PIK3CB: variants seen among roughly 807,000 people sequenced by gnomAD.
PIK3CB encodes phosphatidylinositol-4,5-bisphosphate 3-kinase catalytic subunit beta.
Under a neutral mutation model 136.8 loss-of-function variants are expected in PIK3CB, and 39 were observed. That is an observed-to-expected ratio of 0.29 (90% CI 0.22 to 0.37). PIK3CB has a LOEUF of 0.37. Ranked by LOEUF, PIK3CB falls within the 10% of genes least tolerant of loss-of-function variation. The pLI, the probability that PIK3CB is intolerant of heterozygous loss-of-function variation, is 1.00. For synonymous variants in PIK3CB, 428 were observed against 436.6 expected (o/e 0.98, Z 0.25); for missense variants, 868 against 1,275.4 (o/e 0.68, Z 4.87).
intron 16 of PIK3CB, among the ~76,000 whole-genome samples, chr3:138,685,796 C>T (rs1365821679): frequency 6.6e-6 from 1 of 151,790 alleles, no homozygotes; most frequent in Non-Finnish European, 1.5e-5. Flanking sequence ...GCAAGTAGTA[C>T]AAGGTGTATC....
intron 1 of PIK3CB, among the ~76,000 whole-genome samples, chr3:138,806,193 C>CT (rs1197564243): frequency 1.3e-5 from 2 of 152,154 alleles, no homozygotes; most frequent in African/African-American, 4.8e-5. Flanking sequence ...TTCTCAGACT[C>CT]TAAGAGAAAT....
chr3:138,802,575 C>T (rs943629123), intron 1 of PIK3CB, among the ~76,000 whole-genome samples: 1 of 151,626 alleles, frequency 6.6e-6, no homozygotes, highest in African/African-American at 2.4e-5. Flanking sequence ...GAAAAAAGGG[C>T]AAATAGTATT....
At chr3:138,695,166 A>C (rs2044108966) in intron 13 of PIK3CB, among the ~76,000 whole-genome samples, 1 of 152,184 alleles carries the variant, frequency 6.6e-6, no homozygotes, top group South Asian at 2.1e-4. Context: ...AAAAATGTTG[A>C]ATTTGTAGCC....
At chr3:138,703,957 C>T (rs895707118) in intron 12 of PIK3CB, among the ~76,000 whole-genome samples, 1 of 152,100 alleles carries the variant, frequency 6.6e-6, no homozygotes, top group African/African-American at 2.4e-5. Flanking sequence ...TATTGTTTTT[C>T]CTGTTCCTGC....
chr3:138,691,253 G>C (rs561192036), intron 14 of PIK3CB, 110 bp from the exon 15 acceptor site: 1 of 975,734 alleles, frequency 1.0e-6, no homozygotes, highest in South Asian at 1.7e-5. Flanking sequence ...GGTTCTTTTG[G>C]GCCAGGCTTG....
At chr3:138,752,579 C>T (rs946062192) in intron 4 of PIK3CB, among the ~76,000 whole-genome samples, 1 of 152,026 alleles carries the variant, frequency 6.6e-6, no homozygotes, top group South Asian at 2.1e-4. Context: ...CGTGGTGGTG[C>T]ATGCCTGTAG....
chr3:138,723,346 T>TTCAG (rs1250649583), intron 8 of PIK3CB, among the ~76,000 whole-genome samples: 3 of 151,892 alleles, frequency 2.0e-5, no homozygotes, highest in Admixed American at 2.0e-4. Context: ...AGCTCAGGAG[T>TTCAG]TCGAGACCAG....
intron 2 of PIK3CB, among the ~76,000 whole-genome samples, chr3:138,765,289 C>T (rs2045718692): frequency 6.6e-6 from 1 of 152,076 alleles, no homozygotes; most frequent in Admixed American, 6.6e-5. Flanking sequence ...TGCACTCCGG[C>T]CTGGATGACA....
At chr3:138,771,327 A>G (rs944456678) in intron 2 of PIK3CB, among the ~76,000 whole-genome samples, 1 of 145,530 alleles carries the variant, frequency 6.9e-6, no homozygotes, top group African/African-American at 2.6e-5. Flanking sequence ...GGATCATGCC[A>G]TTCTCCTGCC....
chr3:138,751,184 C>T (rs556885737), intron 4 of PIK3CB, among the ~76,000 whole-genome samples: 91 of 152,212 alleles, frequency 6.0e-4, no homozygotes, highest in African/African-American at 1.4e-3. Context: ...TTAGGCCGGG[C>T]GCAGTAGCTC....
chr3:138,802,445 C>T (rs552254492), intron 1 of PIK3CB, among the ~76,000 whole-genome samples: 8 of 147,934 alleles, frequency 5.4e-5, no homozygotes, highest in African/African-American at 1.5e-4. Flanking sequence ...GAAAGAGTGG[C>T]GGAGGAAAGG....
At chr3:138,828,481 A>G (rs1933887125) in intron 1 of PIK3CB, among the ~76,000 whole-genome samples, 1 of 152,094 alleles carries the variant, frequency 6.6e-6, no homozygotes, top group Non-Finnish European at 1.5e-5. Context: ...CACAGCGCCC[A>G]GCCCCATTAG....
intron 10 of PIK3CB, among the ~76,000 whole-genome samples, chr3:138,711,064 A>G (rs2044486656): frequency 6.6e-6 from 1 of 151,750 alleles, no homozygotes; most frequent in Admixed American, 6.6e-5. Context: ...AGCCGAGGTG[A>G]CAGAGCGAGA....
intron 1 of PIK3CB, among the ~76,000 whole-genome samples, chr3:138,810,258 T>C (rs895379499): frequency 2.0e-5 from 3 of 152,170 alleles, no homozygotes; most frequent in African/African-American, 4.8e-5. Context: ...ATACTTTGTG[T>C]AGATACACCC....
chr3:138,785,302 C>T (rs897022881), intron 2 of PIK3CB, among the ~76,000 whole-genome samples: 4 of 152,096 alleles, frequency 2.6e-5, no homozygotes, highest in African/African-American at 4.8e-5. Context: ...GCCAGGCCGC[C>T]GCCCTGTCTG....
At chr3:138,790,606 C>T (rs2046036795) in intron 2 of PIK3CB, among the ~76,000 whole-genome samples, 1 of 148,262 alleles carries the variant, frequency 6.7e-6, no homozygotes, top group Admixed American at 6.7e-5. Context: ...AGATTGAGAC[C>T]ATCCTGGCTA....
chr3:138,804,649 A>T (rs1283858329), intron 1 of PIK3CB, among the ~76,000 whole-genome samples: 4 of 152,192 alleles, frequency 2.6e-5, no homozygotes, highest in Non-Finnish European at 1.5e-5. Context: ...TGTAAATCTG[A>T]ATCACTAAAT....
Position 138,737,893 on chromosome 3 carries a change from G to A in PIK3CB, c.622-7C>T, listed in dbSNP as rs375356845. 1.2e-4 allele frequency: 185 copies of A among 1,560,750 alleles called. 5 individuals carry two copies. In the South Asian group the frequency reaches 2.0e-3, roughly 17 times the overall value. On this transcript the variant is annotated splice_polypyrimidine_tract_variant and splice_region_variant and intron_variant, in intron 5 of 23. Coordinates refer to ENST00000674063, the MANE Select transcript of PIK3CB (RefSeq NM_006219.3). ...CTTGAAAGCTAAACACGTCCTGAAGGGGGAGGGAGATGGGGAAAAAAGCAG... is the reference window on the plus strand; with the variant it reads ...CTTGAAAGCTAAACACGTCCTGAAGAGGGAGGGAGATGGGGAAAAAAGCAG...
intron 14 of PIK3CB, among the ~76,000 whole-genome samples, chr3:138,693,712 T>G (rs1344408825): frequency 6.6e-5 from 10 of 151,888 alleles, no homozygotes; most frequent in Non-Finnish European, 1.3e-4. Context: ...CTGGCCAAAT[T>G]TTTAAAAAGC....
Sources: allele counts gnomAD v4.1 joint callset (sites outside exome capture counted in the v4.1 genomes callset), GRCh38; gene constraint gnomAD v4.1.1; transcripts MANE v1.5; gene names NCBI Gene and HGNC (gene_info 2026-07-23, HGNC 2026-07-21).